FAM107B: variants seen among roughly 807,000 people sequenced by gnomAD.
FAM107B encodes the protein protein FAM107B.
In FAM107B, 21 loss-of-function variants were observed where a neutral mutation model predicts 31.5. That is an observed-to-expected ratio of 0.67 (90% CI 0.47 to 0.96). FAM107B has a LOEUF of 0.96. Ranked by LOEUF, FAM107B falls within the 40% of genes least tolerant of loss-of-function variation. The pLI is 0.00. For missense variants in FAM107B, 452 were observed against 377.1 expected, an observed-to-expected ratio of 1.20 and a Z score of -1.64; for synonymous variants, 157 against 141.5, an observed-to-expected ratio of 1.11 and a Z score of -0.78.
intron 1 of FAM107B, among the ~76,000 whole-genome samples, chr10:14,686,884 C>T (rs1426076841): frequency 6.6e-6 from 1 of 152,202 alleles, no homozygotes; most frequent in Non-Finnish European, 1.5e-5. Flanking sequence ...CCCACCAATG[C>T]CCAGGGCCCT....
At chr10:14,645,555 C>T (rs973307642) in intron 2 of FAM107B, among the ~76,000 whole-genome samples, 11 of 152,174 alleles carry the variant, frequency 7.2e-5, no homozygotes, top group African/African-American at 2.4e-4. Flanking sequence ...TAACTGAGCA[C>T]AGGACCCTGG....
intron 2 of FAM107B, among the ~76,000 whole-genome samples, chr10:14,542,220 A>C (rs1442336447): frequency 6.6e-6 from 1 of 150,934 alleles, no homozygotes; most frequent in Non-Finnish European, 1.5e-5. Context: ...CAGTGAGCCA[A>C]GGTCGCGCCA....
At chr10:14,682,762 G>A (rs1302180333) in intron 1 of FAM107B, among the ~76,000 whole-genome samples, 1 of 151,924 alleles carries the variant, frequency 6.6e-6, no homozygotes, top group African/African-American at 2.4e-5. Flanking sequence ...GCTAGGGGAG[G>A]GATAGCATTA....
chr10:14,595,143 G>C (rs1160250948), intron 2 of FAM107B, among the ~76,000 whole-genome samples: 1 of 152,028 alleles, frequency 6.6e-6, no homozygotes, highest in Non-Finnish European at 1.5e-5. Flanking sequence ...AAACTGGACT[G>C]GGGGGAGGCT....
At chr10:14,663,344 C>A (rs1208469315) in intron 2 of FAM107B, 1 of 152,240 alleles carries the variant, frequency 6.6e-6, no homozygotes, top group Non-Finnish European at 1.5e-5. Flanking sequence ...TCGACTAATA[C>A]ACTCACTGAG....
At chr10:14,618,785 C>A (rs1236359931) in intron 2 of FAM107B, among the ~76,000 whole-genome samples, 2 of 151,832 alleles carry the variant, frequency 1.3e-5, no homozygotes, top group Non-Finnish European at 2.9e-5. Context: ...TGCAGTGAGC[C>A]GAGATGATGC....
At chr10:14,658,907 G>A (rs1854146299) in intron 2 of FAM107B, among the ~76,000 whole-genome samples, 1 of 152,204 alleles carries the variant, frequency 6.6e-6, no homozygotes, top group Admixed American at 6.5e-5. Context: ...ATTATATAAT[G>A]TGTGGATAGT....
intron 2 of FAM107B, among the ~76,000 whole-genome samples, chr10:14,634,362 T>C (rs1853443605): frequency 6.8e-6 from 1 of 147,600 alleles, no homozygotes; most frequent in Non-Finnish European, 1.5e-5. Flanking sequence ...AGCATGCCAC[T>C]GCACTCCAGC....
intron 2 of FAM107B, among the ~76,000 whole-genome samples, chr10:14,570,935 G>C (rs1359242806): frequency 6.6e-6 from 1 of 151,450 alleles, no homozygotes; most frequent in Non-Finnish European, 1.5e-5. Flanking sequence ...TTCAAATCAA[G>C]TGCTATTTTG....
intron 1 of FAM107B, among the ~76,000 whole-genome samples, chr10:14,771,262 C>A (rs995266315): frequency 6.6e-6 from 1 of 152,146 alleles, no homozygotes; most frequent in Non-Finnish European, 1.5e-5. Flanking sequence ...AAATGGACAT[C>A]TTCTGTGGTG....
chr10:14,705,623 T>C (rs960323351), intron 1 of FAM107B, among the ~76,000 whole-genome samples: 1 of 151,908 alleles, frequency 6.6e-6, no homozygotes, highest in Non-Finnish European at 1.5e-5. Flanking sequence ...GAAAGACAAA[T>C]ACTATATATG....
intron 2 of FAM107B, among the ~76,000 whole-genome samples, chr10:14,531,041 C>T (rs777788922): frequency 2.6e-5 from 4 of 152,140 alleles, no homozygotes; most frequent in Admixed American, 6.5e-5. Context: ...AGAACAAAGA[C>T]GGGATGGAAT....
chr10:14,624,078 G>A (rs755884473), intron 2 of FAM107B, among the ~76,000 whole-genome samples: 5 of 152,110 alleles, frequency 3.3e-5, no homozygotes, highest in Non-Finnish European at 5.9e-5. Context: ...CCCCTAAAGG[G>A]CTCCTAGCAA....
At chr10:14,552,538 G>A (rs1459639358) in intron 2 of FAM107B, among the ~76,000 whole-genome samples, 9 of 151,990 alleles carry the variant, frequency 5.9e-5, no homozygotes, top group Non-Finnish European at 1.2e-4. Context: ...TGTATACTGT[G>A]ATAAGTTCAT....
At chr10:14,685,142 ATT>A (rs59475861) in intron 1 of FAM107B, among the ~76,000 whole-genome samples, 10 of 36,768 alleles carry the variant, frequency 2.7e-4, no homozygotes, top group Non-Finnish European at 3.1e-4. Flanking sequence ...ACATCCTTTT[ATT>A]TTTTTTTTTT....
At chr10:14,760,508 A>G (rs1359308628) in intron 1 of FAM107B, among the ~76,000 whole-genome samples, 1 of 150,190 alleles carries the variant, frequency 6.7e-6, no homozygotes, top group Non-Finnish European at 1.5e-5. Flanking sequence ...TCTCTGCGAC[A>G]TTAATAGCAC....
intron 2 of FAM107B, among the ~76,000 whole-genome samples, chr10:14,598,830 G>A (rs1314409888): frequency 2.6e-5 from 4 of 152,346 alleles, no homozygotes; most frequent in East Asian, 3.9e-4. Flanking sequence ...CATGGGAGGT[G>A]CATATAACCC....
At chr10:14,686,872 G>A (rs1441887710) in intron 1 of FAM107B, among the ~76,000 whole-genome samples, 2 of 152,326 alleles carry the variant, frequency 1.3e-5, no homozygotes, top group African/African-American at 4.8e-5. Context: ...CCTCTCCTGG[G>A]CCCCACCAAT....
intron 1 of FAM107B, among the ~76,000 whole-genome samples, chr10:14,682,700 A>G (rs766858050): frequency 6.6e-6 from 1 of 152,168 alleles, no homozygotes; most frequent in Middle Eastern, 3.4e-3. Flanking sequence ...ATGAGAACAC[A>G]TGGACACAGG....
Sources: gnomAD v4.1 joint callset for allele counts (sites outside exome capture counted in the v4.1 genomes callset) on GRCh38, gnomAD v4.1.1 for gene constraint, MANE v1.5 for transcripts, NCBI Gene and HGNC (gene_info 2026-07-23, HGNC 2026-07-21) for gene names.